Variants in AFTPH observed in about 807,000 individuals in gnomAD.
The protein encoded by AFTPH is aftiphilin protein.
AFTPH carries 7 observed loss-of-function variants against 72.5 expected under a neutral mutation model. That is an observed-to-expected ratio of 0.10 (90% CI 0.05 to 0.18). The LOEUF is 0.18. AFTPH is among the 10% of genes least tolerant of loss of function. The probability of loss-of-function intolerance (pLI) is 1.00; values close to 1 mark genes in which losing one functional copy is unlikely to be tolerated. For synonymous variants in AFTPH, 337 were observed against 370.1 expected (o/e 0.91, Z 1.03); for missense variants, 979 against 1,060.5 (o/e 0.92, Z 1.07).
At chr2:64,546,962 T>G (rs1670672809) in intron 1 of AFTPH, among the ~76,000 whole-genome samples, 1 of 151,508 alleles carries the variant, frequency 6.6e-6, no homozygotes, top group African/African-American at 2.4e-5. Context: ...GGCAGGAGAA[T>G]GGCGTGAACC....
chr2:64,551,244 A>T (rs1671028433), intron 1 of AFTPH, among the ~76,000 whole-genome samples, 199 bp from the exon 2 acceptor site: 1 of 152,076 alleles, frequency 6.6e-6, no homozygotes, highest in African/African-American at 2.4e-5. Flanking sequence ...AGTGCACTAT[A>T]GCTGTGTAAA....
At chr2:64,573,436 AAAAAAAAAAAAG>A (rs1458277830) in intron 6 of AFTPH, among the ~76,000 whole-genome samples, 1 of 151,150 alleles carries the variant, frequency 6.6e-6, no homozygotes, top group Non-Finnish European at 1.5e-5. Context: ...TGGGTTTAAA[AAAAAAAAAAAAG>A]AAAAGAAAAA....
chr2:64,530,715 TCTTTTA>T (rs1351789186), intron 1 of AFTPH, among the ~76,000 whole-genome samples: 1 of 152,190 alleles, frequency 6.6e-6, no homozygotes, highest in African/African-American at 2.4e-5. Flanking sequence ...CGTTGATCTT[TCTTTTA>T]CTTATTAAAT....
intron 2 of AFTPH, among the ~76,000 whole-genome samples, chr2:64,566,724 C>G (rs373370693): frequency 2.7e-5 from 4 of 148,808 alleles, no homozygotes; most frequent in South Asian, 2.1e-4. Context: ...CTAGTGGTAC[C>G]AAAACTAAGT....
chr2:64,576,140 CGTGT>C (rs35888182), intron 6 of AFTPH, among the ~76,000 whole-genome samples: 2,163 of 134,754 alleles, frequency 0.016, 64 homozygotes, highest in African/African-American at 0.053. Flanking sequence ...AAATGAAATA[CGTGT>C]GTGTGTGTGT....
At chr2:64,553,294 G>C in exon 2 of AFTPH, 6 of 1,614,078 alleles carry the variant, frequency 3.7e-6, no homozygotes, top group Middle Eastern at 3.3e-4. Flanking sequence ...CAGTCACATA[G>C]GACAGATGAA....
At chr2:64,592,115 TAAAAA>T (rs35699964) in exon 9 of AFTPH, 13 of 846,452 alleles carry the variant, frequency 1.5e-5, no homozygotes, top group South Asian at 3.8e-5. Flanking sequence ...CTGCTCTAAT[TAAAAA>T]AAAAAAAAAA....
chr2:64,562,708 G>C (rs1231175931), intron 2 of AFTPH, among the ~76,000 whole-genome samples: 1 of 152,168 alleles, frequency 6.6e-6, no homozygotes, highest in Non-Finnish European at 1.5e-5. Context: ...CTGCCACATG[G>C]TGGGCACTAT....
At chr2:64,570,243 T>C (rs1049891276) in intron 5 of AFTPH, among the ~76,000 whole-genome samples, 4 of 152,212 alleles carry the variant, frequency 2.6e-5, no homozygotes, top group Admixed American at 2.6e-4. Flanking sequence ...CAAGACTCAG[T>C]CACATTTTAA....
chr2:64,551,411 C>T lies in AFTPH; in HGVS notation c.-32-32C>T, dbSNP rs542483965. On this transcript the variant is annotated intron_variant, in intron 1 of 8. Transcript: ENST00000238856. ...AAGATCTTGTTCTATGTAATCTGTC[C>T]CCTCCAAAAATTCTTTTTTTCTTTT... 756 of 1,490,498 alleles carry T rather than the reference C, an allele frequency of 5.1e-4. No individual in the cohort carries two copies. In the Middle Eastern group the frequency reaches 6.3e-3, roughly 12 times the overall value. The allele number at this position is 1,490,498 out of a possible 1,614,324, so 92.3% of individuals were successfully genotyped here. A position where few individuals can be genotyped will look rare whatever the true frequency, so the allele number is the denominator to read the frequency against.
At chr2:64,530,737 G>A (rs947028539) in intron 1 of AFTPH, among the ~76,000 whole-genome samples, 2 of 152,058 alleles carry the variant, frequency 1.3e-5, no homozygotes, top group Middle Eastern at 3.2e-3. Flanking sequence ...TAAATTGTGA[G>A]CATTTCTCCA....
At position 64,569,694 on chromosome 2, in the gene AFTPH, C is replaced by G; in HGVS notation, c.2271+15C>G. ...CAGCAGGATTGGTAAGTACAAAAATCTCTCTGCATGTATTTATCATTACTG... is the reference window on the plus strand; with the variant it reads ...CAGCAGGATTGGTAAGTACAAAAATGTCTCTGCATGTATTTATCATTACTG... On this transcript the variant is annotated intron_variant, in intron 5 of 8. Transcript: ENST00000238856. 6.2e-7 allele frequency: 1 copy of G among 1,611,134 alleles called. No individual in the cohort carries two copies. The highest frequency in any genetic ancestry group is 8.5e-7 in the Non-Finnish European group (1 of 1,177,578).
intron 1 of AFTPH, among the ~76,000 whole-genome samples, chr2:64,533,636 A>G (rs562411044): frequency 3.9e-5 from 6 of 152,326 alleles, no homozygotes; most frequent in Admixed American, 1.3e-4. Flanking sequence ...AGACTTGGAA[A>G]GGAAAAGGTA....
chr2:64,583,956 TAA>T (rs1172822821), intron 7 of AFTPH, among the ~76,000 whole-genome samples: 5 of 152,112 alleles, frequency 3.3e-5, no homozygotes. Flanking sequence ...TTAAGTATCT[TAA>T]AAGGAAAAAA....
intron 2 of AFTPH, among the ~76,000 whole-genome samples, chr2:64,563,403 A>G (rs939093246): frequency 6.6e-6 from 1 of 152,188 alleles, no homozygotes; most frequent in Admixed American, 6.5e-5. Context: ...AAGTGCTCAA[A>G]TTTTATGTTC....
At position 64,573,039 on chromosome 2, in the gene AFTPH, A is replaced by G. The variant is rs754339386; in HGVS notation, c.2365A>G (p.Met789Val). The change falls in exon 6 of 9, where the codon ATG (methionine) becomes GTG (valine). Residue 789 changes from methionine to valine, a missense_variant. Around this residue, in one of 3 missense-constraint regions of AFTPH, gnomAD observed 438 missense variants for 530.0 expected, o/e 0.83. Coordinates refer to ENST00000238856, the Ensembl canonical transcript of AFTPH. ...TCAGACAGCCACCATGTCACCAGAT[A>G]TGAACACATGTACATCTGATCAGTT... 12 of 1,614,052 alleles carry G rather than the reference A, an allele frequency of 7.4e-6. 1 individual carries two copies. The highest frequency in any genetic ancestry group is 6.6e-5 in the South Asian group (6 of 91,092).
At chr2:64,565,608 A>G (rs1198540193) in intron 2 of AFTPH, among the ~76,000 whole-genome samples, 2 of 152,198 alleles carry the variant, frequency 1.3e-5, no homozygotes, top group Admixed American at 6.5e-5. Flanking sequence ...TCAAGGGGCA[A>G]ACCATGACCC....
intron 2 of AFTPH, among the ~76,000 whole-genome samples, chr2:64,555,736 A>C (rs1671318693): frequency 1.3e-5 from 2 of 152,152 alleles, no homozygotes; most frequent in Non-Finnish European, 2.9e-5. Flanking sequence ...AGAAAGTTGA[A>C]GTAGTGAAAT....
chr2:64,576,074 TACACACACACACACACACACACACAC>T (rs55774717), intron 6 of AFTPH, among the ~76,000 whole-genome samples: 4,262 of 127,740 alleles, frequency 0.033, 187 homozygotes, highest in East Asian at 0.12. Flanking sequence ...TTTGGCATGC[TACACACACACACACACACACACACAC>T]ACACACACAC....
Sources: gnomAD v4.1 joint callset for allele counts (sites outside exome capture counted in the v4.1 genomes callset) on GRCh38, gnomAD v4.1.1 for gene constraint, gnomAD v4.1.1 regional missense constraint, MANE v1.5 for transcripts, NCBI Gene and HGNC (gene_info 2026-07-23, HGNC 2026-07-21) for gene names.